FCRL5: variants seen among roughly 807,000 people sequenced by gnomAD.
FCRL5 encodes Fc receptor like 5, also known as Fc receptor-like protein 5.
A neutral mutation model predicts 92.1 loss-of-function variants in FCRL5; 79 were observed. The ratio of observed to expected loss-of-function variants is 0.86; its 90% confidence interval spans 0.72 to 1.03. FCRL5 has a LOEUF of 1.03. Among genes scored for constraint, FCRL5 ranks in the 50% least tolerant of loss-of-function variants. The pLI is 0.00. For missense variants in FCRL5, 1,160 were observed against 1,181.1 expected (o/e 0.98, Z 0.26); for synonymous variants, 466 against 469.3 (o/e 0.99, Z 0.09).
chr1:157,547,979 C>T (rs2101649907), intron 2 of FCRL5, among the ~76,000 whole-genome samples: 1 of 152,342 alleles, frequency 6.6e-6, no homozygotes, highest in African/African-American at 2.4e-5. Flanking sequence ...GGATTTTACT[C>T]CAAAGTGTAG....
chr1:157,532,683 G>T (rs1482414016), intron 8 of FCRL5: 1 of 152,062 alleles, frequency 6.6e-6, no homozygotes, highest in East Asian at 1.9e-4. Flanking sequence ...CTCACTTGAG[G>T]TTGTGTCAAA....
chr1:157,520,406 C>T, intron 12 of FCRL5, 25 bp downstream of exon 12: 2 of 1,520,470 alleles, frequency 1.3e-6, no homozygotes, highest in African/African-American at 1.4e-5. Flanking sequence ...TGAACTCAAG[C>T]CAAGGTGTGC....
At chr1:157,523,231 T>C (rs778256929) in intron 10 of FCRL5, among the ~76,000 whole-genome samples, 7 of 152,226 alleles carry the variant, frequency 4.6e-5, no homozygotes, top group Non-Finnish European at 1.0e-4. Context: ...GGAATGGTGA[T>C]TGCATACCAT....
rs552995788 is a variant in FCRL5 at position 157,524,387 on chromosome 1, C to T, written c.2131G>A (p.Ala711Thr). 2 of 1,614,202 alleles carry T rather than the reference C, an allele frequency of 1.2e-6. No individual in the cohort carries two copies. Among genetic ancestry groups the T allele is most frequent in the East Asian group, 4.5e-5 (2 of 44,888 alleles). ...GTAGTCAGAGAGAGGTTGAAGGAGG[C>T]CCCTCCTCCAGAGGGGGCTGAGATC... ...GKISAPSGGG[A>T]SFNLSLTTEH... Residue 711 changes from alanine (A) to threonine (T), a missense_variant, in exon 10 of 17, where the codon GCC becomes ACC. Ala to Thr is a moderately conservative substitution (Grantham distance 58). Transcript: ENST00000361835.
intron 10 of FCRL5, among the ~76,000 whole-genome samples, chr1:157,523,644 C>G (rs1199116856): frequency 6.6e-6 from 1 of 152,198 alleles, no homozygotes; most frequent in Non-Finnish European, 1.5e-5. Context: ...TGGGTTATTA[C>G]ACTTAATTGA....
At chr1:157,516,985 G>A (rs1490207422) in intron 15 of FCRL5, among the ~76,000 whole-genome samples, 1 of 152,154 alleles carries the variant, frequency 6.6e-6, no homozygotes, top group Non-Finnish European at 1.5e-5. Context: ...CAAGAATGAG[G>A]CACAAACACA....
Position 157,521,001 on chromosome 1 carries a change from G to A in FCRL5, c.2515+16C>T, listed in dbSNP as rs1381241602. On this transcript the variant is annotated intron_variant, in intron 11 of 16. Coordinates refer to ENST00000361835, the MANE Select transcript of FCRL5 (RefSeq NM_031281.3). ...ACATTTTGTCCGCATCTGTGGCCCGGGCACGGGAAACTTACCTGTGATATA... is the reference window on the plus strand; with the variant it reads ...ACATTTTGTCCGCATCTGTGGCCCGAGCACGGGAAACTTACCTGTGATATA... 9.5e-6 allele frequency: 15 copies of A among 1,586,660 alleles called. No individual in the cohort carries two copies. Among genetic ancestry groups the A allele is most frequent in the Non-Finnish European group, 1.3e-5 (15 of 1,166,728 alleles).
intron 8 of FCRL5, among the ~76,000 whole-genome samples, chr1:157,530,134 A>G (rs1480683259): frequency 6.6e-6 from 1 of 152,218 alleles, no homozygotes. Context: ...ACACTCATAG[A>G]CACATAAATA....
At chr1:157,549,810 T>C (rs1416001708) in intron 1 of FCRL5, among the ~76,000 whole-genome samples, 1 of 152,084 alleles carries the variant, frequency 6.6e-6, no homozygotes, top group Non-Finnish European at 1.5e-5. Flanking sequence ...AAATGGTATC[T>C]GCCATCAAGA....
Position 157,534,636 on chromosome 1 carries a change from T to C in FCRL5, c.1659A>G (p.Glu553=), listed in dbSNP as rs757096948. 1.5e-5 allele frequency: 24 copies of C among 1,614,208 alleles called. No homozygotes were observed. In the South Asian group the frequency reaches 2.4e-4, roughly 16 times the overall value. The change falls in exon 8 of 17, where the codon GAA becomes GAG. Residue 553 remains glutamate, a synonymous_variant. Transcript: ENST00000361835. Reference sequence around the variant, plus strand: ...TACCAGTGACAAAAAGGCTCACCACTTCACTGCGCTGGGGACCAAAGCCAT... The same window carrying C: ...TACCAGTGACAAAAAGGCTCACCACCTCACTGCGCTGGGGACCAAAGCCAT... The part of the protein sequence containing the change: ...ADNGFGPQRS[E]VVSLFVTVPV...
Position 157,545,774 on chromosome 1 carries a change from C to T in FCRL5, c.308-692G>A, listed in dbSNP as rs182073143. On this transcript the variant is annotated intron_variant, in intron 3 of 16. Transcript: ENST00000361835. ...CAATCTCCTGACCTCGTGATCCACC[C>T]GCCTTGGCCTTCCAAAGTGCTGGGA... Among the ~76,000 whole-genome samples, 793 of 152,226 alleles carry T rather than the reference C, an allele frequency of 5.2e-3. 3 individuals carry two copies. The highest frequency in any genetic ancestry group is 0.016 in the African/African-American group (660 of 41,540).
At chr1:157,552,300 A>C (rs1651856454) in intron 1 of FCRL5, 32 bp downstream of exon 1, 1 of 1,611,648 alleles carries the variant, frequency 6.2e-7, no homozygotes, top group Non-Finnish European at 8.5e-7. Context: ...TCCCGATCCC[A>C]CCCAGGGCCC....
chr1:157,536,680 C>T (rs1650983108), intron 7 of FCRL5, among the ~76,000 whole-genome samples: 1 of 152,234 alleles, frequency 6.6e-6, no homozygotes, highest in Admixed American at 6.5e-5. Context: ...ATGGTTCAGT[C>T]ATCAAGAACT....
chr1:157,545,716 G>A (rs1359158417), intron 3 of FCRL5, among the ~76,000 whole-genome samples: 1 of 151,988 alleles, frequency 6.6e-6, no homozygotes, highest in Non-Finnish European at 1.5e-5. Flanking sequence ...TTTTAGTAGA[G>A]ACGGGGTTTC....
rs1651341791 is a variant in FCRL5 at position 157,542,983 on chromosome 1, G to A, written c.999C>T (p.Val333=). The change falls in exon 6 of 17, where the codon GTC becomes GTT. Residue 333 remains valine (V), a synonymous_variant. Coordinates refer to ENST00000361835, the MANE Select transcript of FCRL5 (RefSeq NM_031281.3). ...TGATGGATGCTCCCCTTTCACAGCGGACTGACTTGTGCCTCAGGGGGACAC... is the reference window on the plus strand; with the variant it reads ...TGATGGATGCTCCCCTTTCACAGCGAACTGACTTGTGCCTCAGGGGGACAC... ...HEGVPLRHKS[V]RCERGASISF... is the part of the protein sequence containing the mutation. 1.2e-6 allele frequency: 2 copies of A among 1,614,216 alleles called. No individual in the cohort carries two copies. The highest frequency in any genetic ancestry group is 1.1e-5 in the South Asian group (1 of 91,076).
chr1:157,526,232 G>A (rs1312198367), intron 9 of FCRL5, among the ~76,000 whole-genome samples: 2 of 152,206 alleles, frequency 1.3e-5, no homozygotes, highest in African/African-American at 4.8e-5. Flanking sequence ...TAATATATCT[G>A]AGATGTCAAG....
intron 1 of FCRL5, 106 bp from the exon 2 acceptor site, chr1:157,549,686 A>T: frequency 1.1e-6 from 1 of 912,882 alleles, no homozygotes; most frequent in Non-Finnish European, 1.6e-6. Context: ...CCCTTTAAAA[A>T]ATTCATTTAA....
At chr1:157,544,232 C>A (rs764978412) in intron 5 of FCRL5, 30 bp downstream of exon 5, 1 of 1,608,758 alleles carries the variant, frequency 6.2e-7, no homozygotes, top group Middle Eastern at 1.7e-4. Context: ...GCCCTCTCTG[C>A]AGCAAATCTC....
intron 15 of FCRL5, among the ~76,000 whole-genome samples, chr1:157,517,787 C>T (rs1360420402): frequency 6.6e-6 from 1 of 152,180 alleles, no homozygotes; most frequent in East Asian, 1.9e-4. Flanking sequence ...TAGGTAGGTG[C>T]TATCAACTAA....
Sources: allele counts gnomAD v4.1 joint callset (sites outside exome capture counted in the v4.1 genomes callset), GRCh38; gene constraint gnomAD v4.1.1; transcripts MANE v1.5; gene names NCBI Gene and HGNC (gene_info 2026-07-23, HGNC 2026-07-21).